Variants in CPEB1 observed in about 807,000 individuals in gnomAD.
CPEB1 encodes the protein cytoplasmic polyadenylation element-binding protein 1.
A neutral mutation model predicts 65.8 loss-of-function variants in CPEB1; 7 were observed. The observed-to-expected ratio is 0.11, with a 90% CI of 0.06 to 0.20. The LOEUF (loss-of-function observed/expected upper bound fraction) is 0.20. CPEB1 is among the 10% of genes least tolerant of loss of function. The pLI, the probability that CPEB1 is intolerant of heterozygous loss-of-function variation, is 1.00. For synonymous variants in CPEB1, 262 were observed against 260.0 expected (o/e 1.01, Z -0.08); for missense variants, 551 against 712.2 (o/e 0.77, Z 2.58).
intron 9 of CPEB1, among the ~76,000 whole-genome samples, chr15:82,550,086 G>C (rs1186578431): frequency 6.6e-6 from 1 of 152,208 alleles, no homozygotes; most frequent in Non-Finnish European, 1.5e-5. Flanking sequence ...CTGAAGGACA[G>C]AGGGGTGGGA....
At chr15:82,631,830 T>A (rs913933935) in intron 1 of CPEB1, among the ~76,000 whole-genome samples, 2 of 152,110 alleles carry the variant, frequency 1.3e-5, no homozygotes, top group African/African-American at 4.8e-5. Flanking sequence ...CACTACAGGT[T>A]CAGTATCTCT....
chr15:82,549,103 C>T (rs1433294704), intron 10 of CPEB1, among the ~76,000 whole-genome samples: 1 of 152,224 alleles, frequency 6.6e-6, no homozygotes, highest in Non-Finnish European at 1.5e-5. Context: ...TAAAAAACTC[C>T]AGGCAAGTTC....
At chr15:82,589,345 A>G (rs803747) in intron 3 of CPEB1, among the ~76,000 whole-genome samples, 60,799 of 152,116 alleles carry the variant, frequency 0.4, 12,223 homozygotes, top group South Asian at 0.49. Flanking sequence ...TCTGAGAGAG[A>G]GACCTCAATT....
chr15:82,599,997 G>A (rs2042969476), intron 3 of CPEB1, among the ~76,000 whole-genome samples: 1 of 152,040 alleles, frequency 6.6e-6, no homozygotes, highest in Admixed American at 6.6e-5. Context: ...CCCAAAAGAA[G>A]AGAAAGAAAA....
At chr15:82,602,352 G>A (rs979550344) in intron 3 of CPEB1, among the ~76,000 whole-genome samples, 1 of 152,136 alleles carries the variant, frequency 6.6e-6, no homozygotes, top group Non-Finnish European at 1.5e-5. Context: ...TCCATGCTGA[G>A]CGGGAAATTT....
intron 1 of CPEB1, among the ~76,000 whole-genome samples, chr15:82,630,763 C>T (rs2046175137): frequency 6.6e-6 from 1 of 152,074 alleles, no homozygotes; most frequent in Non-Finnish European, 1.5e-5. Flanking sequence ...TTCTAAAGAA[C>T]ACAAGAGAGT....
At chr15:82,584,258 CAAAAA>C (rs71156038) in intron 3 of CPEB1, among the ~76,000 whole-genome samples, 93 of 53,300 alleles carry the variant, frequency 1.7e-3, no homozygotes, top group African/African-American at 5.7e-3. Flanking sequence ...GACTCCGTCT[CAAAAA>C]AAAAAAAAAA....
At chr15:82,620,352 G>C (rs1464879370) in intron 3 of CPEB1, among the ~76,000 whole-genome samples, 1 of 151,604 alleles carries the variant, frequency 6.6e-6, no homozygotes, top group Non-Finnish European at 1.5e-5. Context: ...TTGAACCTGG[G>C]AGGCGGAGGA....
intron 3 of CPEB1, among the ~76,000 whole-genome samples, chr15:82,620,349 T>C (rs975738385): frequency 1.3e-5 from 2 of 149,804 alleles, no homozygotes; most frequent in Admixed American, 1.3e-4. Flanking sequence ...CCCTTGAACC[T>C]GGGAGGCGGA....
At chr15:82,581,963 G>T (rs2041321721) in intron 3 of CPEB1, among the ~76,000 whole-genome samples, 1 of 152,152 alleles carries the variant, frequency 6.6e-6, no homozygotes, top group Non-Finnish European at 1.5e-5. Context: ...AGCTAGCTGG[G>T]TATCTTTCCT....
At chr15:82,605,410 T>C (rs1417554304) in intron 3 of CPEB1, among the ~76,000 whole-genome samples, 2 of 152,114 alleles carry the variant, frequency 1.3e-5, no homozygotes, top group Non-Finnish European at 2.9e-5. Flanking sequence ...TAAGAAGGTA[T>C]TGGTAAAAGG....
intron 3 of CPEB1, among the ~76,000 whole-genome samples, chr15:82,586,896 T>TTG (rs1396103748): frequency 1.3e-5 from 2 of 152,212 alleles, no homozygotes; most frequent in Admixed American, 1.3e-4. Context: ...CTTATAGCAT[T>TTG]TTCCCCAAGG....
intron 3 of CPEB1, chr15:82,572,973 T>G (rs2040239863): frequency 7.7e-6 from 11 of 1,424,342 alleles, no homozygotes; most frequent in African/African-American, 1.4e-5. Flanking sequence ...TAAAGGAGGG[T>G]AGGGCAACAG....
intron 1 of CPEB1, among the ~76,000 whole-genome samples, chr15:82,643,233 C>A (rs1466787874): frequency 2.0e-5 from 3 of 152,182 alleles, no homozygotes; most frequent in Non-Finnish European, 4.4e-5. Flanking sequence ...CAAAAACTTT[C>A]CAGGATACAG....
chr15:82,647,719 G>C (rs975099701), upstream of CPEB1: 19 of 747,494 alleles, frequency 2.5e-5, no homozygotes, highest in East Asian at 6.0e-4. Flanking sequence ...GCGGGCACGT[G>C]ACCGCGCCCC....
intron 1 of CPEB1, chr15:82,630,135 T>G: frequency 1.0e-6 from 1 of 985,104 alleles, no homozygotes; most frequent in Non-Finnish European, 1.2e-6. Context: ...GAGGTCTCGC[T>G]GTGTTGCCCA....
At chr15:82,607,101 T>G (rs1160531967) in intron 3 of CPEB1, among the ~76,000 whole-genome samples, 3 of 151,640 alleles carry the variant, frequency 2.0e-5, no homozygotes, top group Non-Finnish European at 4.4e-5. Context: ...AAAGCAGTAA[T>G]GGAAGAATAG....
At position 82,544,537 on chromosome 15, in the gene CPEB1, C is replaced by T; in HGVS notation, c.*55G>A. On this transcript the variant is annotated 3_prime_UTR_variant, in exon 13 of 13. Coordinates refer to ENST00000684509, the MANE Select transcript of CPEB1 (RefSeq NM_001365242.1). The stretch of plus-strand genomic sequence containing the variant: ...GCCAGTGGCAGGGTGGTGCAGGCTG[C>T]TTGCCTGACCTGCCAGCTTTGGGCG... 5.7e-6 allele frequency: 8 copies of T among 1,410,702 alleles called. No individual in the cohort carries two copies. Among genetic ancestry groups the T allele is most frequent in the East Asian group, 2.3e-5 (1 of 43,116 alleles). The allele number at this position is 1,410,702 out of a possible 1,614,324, so 87.4% of individuals were successfully genotyped here.
chr15:82,582,020 T>C lies in CPEB1; in HGVS notation c.272-10488A>G, dbSNP rs546919488. 3.2e-4 allele frequency among the ~76,000 whole-genome samples: 49 copies of C among 152,328 alleles called. 1 individual carries two copies. Among genetic ancestry groups the C allele is most frequent in the South Asian group, 8.3e-4 (4 of 4,826 alleles). ...TAATGGAAAAAGAACTATTTCCTGA[T>C]TGTCCATGATGCCAAAGGATGTGAG... On this transcript the variant is annotated intron_variant, in intron 3 of 12. Coordinates refer to ENST00000684509, the MANE Select transcript of CPEB1 (RefSeq NM_001365242.1).
Sources: allele counts gnomAD v4.1 joint callset (sites outside exome capture counted in the v4.1 genomes callset), GRCh38; gene constraint gnomAD v4.1.1; transcripts MANE v1.5; gene names NCBI Gene and HGNC (gene_info 2026-07-23, HGNC 2026-07-21).